RS1: variants seen among roughly 807,000 people sequenced by gnomAD.
RS1 encodes the protein retinoschisin 1.
Under a neutral mutation model 20.8 loss-of-function variants are expected in RS1, and 2 were observed. The ratio of observed to expected loss-of-function variants is 0.10; its 90% confidence interval spans 0.04 to 0.30. The LOEUF (loss-of-function observed/expected upper bound fraction) is 0.30, where lower values mean the gene tolerates loss of function less well. Ranked by LOEUF, RS1 falls within the 10% of genes least tolerant of loss-of-function variation. The pLI, the probability that RS1 is intolerant of heterozygous loss-of-function variation, is 1.00. For missense variants in RS1, 151 were observed against 189.8 expected, an observed-to-expected ratio of 0.80 and a Z score of 1.20; for synonymous variants, 70 against 75.8, an observed-to-expected ratio of 0.92 and a Z score of 0.40.
intron 1 of RS1, among the ~76,000 whole-genome samples, chrX:18,664,508 G>A (rs889710737): frequency 1.4e-4 from 15 of 110,692 alleles, no homozygotes; most frequent in South Asian, 7.7e-4. Context: ...CACACCTGTA[G>A]TCCCAGCTAC....
intron 1 of RS1, among the ~76,000 whole-genome samples, chrX:18,667,546 CAA>C (rs748540329): frequency 2.5e-4 from 12 of 48,764 alleles, no homozygotes; most frequent in Admixed American, 2.7e-4. Flanking sequence ...GACTCTGTCT[CAA>C]AAAAAAAAAA....
At chrX:18,656,811 G>T in intron 2 of RS1, 53 bp from the exon 3 acceptor site, 1 of 1,005,138 alleles carries the variant, frequency 9.9e-7, no homozygotes, top group Non-Finnish European at 1.4e-6. Flanking sequence ...AGGCAACTGT[G>T]GTTGCCCCCA....
Position 18,666,557 on chromosome X carries a change from T to A in RS1, c.52+5460A>T, listed in dbSNP as rs191109826. Reference sequence around the variant, plus strand: ...TGTGAGGCTTTGTGGAACTTGAGGATAGACGAGGACATTACTGACCACAGT... The same window carrying A: ...TGTGAGGCTTTGTGGAACTTGAGGAAAGACGAGGACATTACTGACCACAGT... On this transcript the variant is annotated intron_variant, in intron 1 of 5. Coordinates refer to ENST00000379984, the MANE Select transcript of RS1 (RefSeq NM_000330.4). Among the ~76,000 whole-genome samples the A allele has an allele frequency of 3.0e-3, 332 of 111,348 alleles. 1 individual carries two copies. The highest frequency in any genetic ancestry group is 0.011 in the African/African-American group (321 of 30,557).
rs1778636890 is a variant in RS1, at chrX:18,641,346, A to C, written c.*658T>G. On this transcript the variant is annotated 3_prime_UTR_variant, in exon 6 of 6. Coordinates refer to ENST00000379984, the MANE Select transcript of RS1 (RefSeq NM_000330.4). ...TGGTCCCTCCCCAATCCCTGTGTTCATGAGGGTGGAAGCCCAGATCCGCCT... is the reference window on the plus strand; with the variant it reads ...TGGTCCCTCCCCAATCCCTGTGTTCCTGAGGGTGGAAGCCCAGATCCGCCT... The C allele has an allele frequency of 8.8e-6, 1 of 113,687 alleles. No individual in the cohort carries two copies. The highest frequency in any genetic ancestry group is 1.8e-5 in the Non-Finnish European group (1 of 54,443). The allele number at this position is 113,687 out of a possible 1,213,427, so 9.4% of individuals were successfully genotyped here.
Position 18,659,715 on chromosome X carries a change from GA to G in RS1, c.53-2051del, listed in dbSNP as rs1928279044. 2.7e-5 allele frequency among the ~76,000 whole-genome samples: 3 copies of G among 111,521 alleles called. No homozygotes were observed. The Admixed American group carries it at 2.9e-4, about 11-fold the overall frequency. The stretch of plus-strand genomic sequence containing the variant: ...ACACAAGGAAACTGAGAAAACTGCA[GA>G]AGCAGGAAGGTCTCTCTGACCTGCT... On this transcript the variant is annotated intron_variant, in intron 1 of 5. Coordinates refer to ENST00000379984, the MANE Select transcript of RS1 (RefSeq NM_000330.4).
chrX:18,650,016 A>G lies in RS1; in HGVS notation c.185-2684T>C, dbSNP rs1276227734. ...CCCGCTCAGGGCTACTAGCTCTGAGAGAGTAGGCAGAGGGGAAGGGAAAAA... is the reference window on the plus strand; with the variant it reads ...CCCGCTCAGGGCTACTAGCTCTGAGGGAGTAGGCAGAGGGGAAGGGAAAAA... On this transcript the variant is annotated intron_variant, in intron 3 of 5. Transcript: ENST00000379984. 7 of 249,316 alleles carry G rather than the reference A, an allele frequency of 2.8e-5. No homozygotes were observed. In the Admixed American group the frequency reaches 3.8e-4, roughly 13 times the overall value. 20.5% of individuals were successfully genotyped at this position (249,316 alleles called of 1,213,427 possible). A position where few individuals can be genotyped will look rare whatever the true frequency, so the allele number is the denominator to read the frequency against.
intron 1 of RS1, among the ~76,000 whole-genome samples, chrX:18,663,117 C>T (rs1375360276): frequency 1.0e-5 from 1 of 99,665 alleles, no homozygotes; most frequent in Admixed American, 1.2e-4. Context: ...CGGCTCACAA[C>T]AACTTCGGCC....
At chrX:18,650,232 G>A in intron 3 of RS1, 1 of 501,634 alleles carries the variant, frequency 2.0e-6, no homozygotes, top group Non-Finnish European at 3.5e-6. Flanking sequence ...CCAGGCAGCA[G>A]AGAATGTGTG....
chrX:18,651,647 G>C (rs3788810), intron 3 of RS1, among the ~76,000 whole-genome samples: 1 of 111,305 alleles, frequency 9.0e-6, no homozygotes. Flanking sequence ...GCAAGCTCGT[G>C]GGGGGTTCAT....
chrX:18,645,195 T>TC (rs1224910272), intron 4 of RS1, among the ~76,000 whole-genome samples: 1 of 111,732 alleles, frequency 8.9e-6, no homozygotes, highest in Non-Finnish European at 1.9e-5. Flanking sequence ...CTATAGTAGT[T>TC]CCCCCCGCCA....
At chrX:18,669,970 C>T (rs773116905) in intron 1 of RS1, among the ~76,000 whole-genome samples, 30 of 112,066 alleles carry the variant, frequency 2.7e-4, no homozygotes, top group Non-Finnish European at 4.3e-4. Flanking sequence ...CTCTGCTCTT[C>T]GTGGACATTT....
chrX:18,644,669 T>C (rs767111828), intron 4 of RS1, 44 bp from the exon 5 acceptor site: 194 of 1,178,469 alleles, frequency 1.6e-4, no homozygotes, highest in Middle Eastern at 8.5e-4. Flanking sequence ...CCCCTGTGCA[T>C]GTCTGCAAAA....
intron 1 of RS1, among the ~76,000 whole-genome samples, chrX:18,666,870 C>T (rs111304939): frequency 0.022 from 2,409 of 109,552 alleles, 64 homozygotes; most frequent in African/African-American, 0.076. Flanking sequence ...GCGGGGCGGG[C>T]GGAAGGGGAA....
intron 1 of RS1, among the ~76,000 whole-genome samples, chrX:18,664,981 G>A (rs1209976302): frequency 1.8e-5 from 2 of 112,192 alleles, no homozygotes; most frequent in African/African-American, 6.5e-5. Flanking sequence ...CCCTCCCAAA[G>A]TGCTGAGATT....
At chrX:18,662,566 C>T (rs1928331032) in intron 1 of RS1, among the ~76,000 whole-genome samples, 1 of 110,536 alleles carries the variant, frequency 9.0e-6, no homozygotes, top group Non-Finnish European at 1.9e-5. Context: ...GTTTTCTGTC[C>T]TTGCGATAGT....
At chrX:18,650,732 A>T in intron 3 of RS1, 8 of 733,838 alleles carry the variant, frequency 1.1e-5, no homozygotes, top group Non-Finnish European at 1.6e-5. Context: ...ACAAAGCTGC[A>T]GGTGATTGTA....
At chrX:18,651,393 C>T (rs12387901) in intron 3 of RS1, among the ~76,000 whole-genome samples, 18 of 110,549 alleles carry the variant, frequency 1.6e-4, no homozygotes, top group African/African-American at 5.3e-4. Context: ...CAGGAATTAG[C>T]GCATTGCCCA....
intron 4 of RS1, chrX:18,646,214 C>G: frequency 9.4e-7 from 1 of 1,066,977 alleles, no homozygotes; most frequent in South Asian, 2.0e-5. Context: ...TGCAGTGGCA[C>G]ACAATCTCGG....
chrX:18,663,032 CTTTTTTTTTTT>C (rs55857398), intron 1 of RS1, among the ~76,000 whole-genome samples: 37 of 74,705 alleles, frequency 5.0e-4, no homozygotes, highest in Admixed American at 5.6e-4. Context: ...AGAACAATGA[CTTTTTTTTTTT>C]TTTTTTTTTT....
Sources: gnomAD v4.1 joint callset for allele counts (sites outside exome capture counted in the v4.1 genomes callset) on GRCh38, gnomAD v4.1.1 for gene constraint, MANE v1.5 for transcripts, NCBI Gene and HGNC (gene_info 2026-07-23, HGNC 2026-07-21) for gene names.